HAPLN1: variants seen among roughly 807,000 people sequenced by gnomAD.
HAPLN1 encodes Cartilage link protein.
Under a neutral mutation model 36.5 loss-of-function variants are expected in HAPLN1, and 13 were observed. That is an observed-to-expected ratio of 0.36 (90% CI 0.23 to 0.57). The LOEUF (loss-of-function observed/expected upper bound fraction) is 0.57. HAPLN1 is among the 20% of genes least tolerant of loss of function. HAPLN1 has a pLI of 0.83. For synonymous variants in HAPLN1, 202 were observed against 169.8 expected, an observed-to-expected ratio of 1.19 and a Z score of -1.48; for missense variants, 407 against 439.7, an observed-to-expected ratio of 0.93 and a Z score of 0.66.
rs56005008 is a variant in HAPLN1 at position 83,661,435 on chromosome 5, C to CTTTTTTT, written c.101-8618_101-8612dup. ...CAATGGTGGTCTGTGAGAAAAGCTT[C>CTTTTTTT]TTTTTTTTTTTTTTTTTTTTTTTTT... On this transcript the variant is annotated intron_variant, in intron 2 of 4. Transcript: ENST00000274341. Among the ~76,000 whole-genome samples, 73 of 62,974 alleles carry CTTTTTTT rather than the reference C, an allele frequency of 1.2e-3. 9 individuals carry two copies. The highest frequency in any genetic ancestry group is 3.9e-3 in the Admixed American group (16 of 4,138). 41.3% of individuals were successfully genotyped at this position (62,974 alleles called of 152,430 possible).
At chr5:83,671,943 T>C (rs1215282784) in intron 2 of HAPLN1, among the ~76,000 whole-genome samples, 1 of 152,192 alleles carries the variant, frequency 6.6e-6, no homozygotes, top group Non-Finnish European at 1.5e-5. Flanking sequence ...GCACTAAGTT[T>C]CAACAGAGGA....
rs772382638 is a variant in HAPLN1 at position 83,689,321 on chromosome 5, G to A, written c.-26-15772C>T. On this transcript the variant is annotated intron_variant, in intron 1 of 4. Coordinates refer to ENST00000274341, the MANE Select transcript of HAPLN1 (RefSeq NM_001884.4). ...CCAAACTGCTACATACACATAGCTCGTGTATTAATGAAAATCAGAGTTATG... is the reference window on the plus strand; with the variant it reads ...CCAAACTGCTACATACACATAGCTCATGTATTAATGAAAATCAGAGTTATG... 3.7e-4 allele frequency among the ~76,000 whole-genome samples: 57 copies of A among 152,058 alleles called. 1 individual carries two copies. The highest frequency in any genetic ancestry group is 1.3e-4 in the Non-Finnish European group (9 of 68,022).
rs571727408 is a variant in HAPLN1 at position 83,648,596 on chromosome 5, G to A, written c.472+3857C>T. Among the ~76,000 whole-genome samples the A allele has an allele frequency of 1.5e-4, 22 of 151,302 alleles. No homozygotes were observed. In the South Asian group the frequency reaches 4.6e-3, roughly 32 times the overall value. ...TTAGTAAAATTCTTTAGTGTAAATAGCATTTAAGCTGGTATTAAAGGACCA... is the reference window on the plus strand; with the variant it reads ...TTAGTAAAATTCTTTAGTGTAAATAACATTTAAGCTGGTATTAAAGGACCA... On this transcript the variant is annotated intron_variant, in intron 3 of 4. Transcript: ENST00000274341.
At chr5:83,716,581 A>G (rs994191959) in intron 1 of HAPLN1, among the ~76,000 whole-genome samples, 40 of 152,190 alleles carry the variant, frequency 2.6e-4, no homozygotes, top group African/African-American at 9.7e-4. Flanking sequence ...CCATGTCTCT[A>G]TCAGTGGGAG....
intron 1 of HAPLN1, among the ~76,000 whole-genome samples, chr5:83,714,399 A>G (rs997135764): frequency 2.0e-5 from 3 of 152,238 alleles, no homozygotes; most frequent in Non-Finnish European, 1.5e-5. Context: ...ATACTTAATA[A>G]AATATGGCTA....
At chr5:83,689,258 G>A (rs1225423237) in intron 1 of HAPLN1, among the ~76,000 whole-genome samples, 2 of 152,052 alleles carry the variant, frequency 1.3e-5, no homozygotes, top group African/African-American at 4.8e-5. Flanking sequence ...GACCAAAGTT[G>A]AATATGCTGA....
At chr5:83,654,328 A>C (rs1327326409) in intron 2 of HAPLN1, among the ~76,000 whole-genome samples, 1 of 152,244 alleles carries the variant, frequency 6.6e-6, no homozygotes, top group Admixed American at 6.5e-5. Flanking sequence ...GTTAAGAGGA[A>C]TCACAAATCC....
intron 2 of HAPLN1, among the ~76,000 whole-genome samples, chr5:83,661,208 A>ATATCTATATCTATATC (rs756067086): frequency 7.2e-5 from 11 of 151,892 alleles, no homozygotes; most frequent in Non-Finnish European, 1.0e-4. Flanking sequence ...ATCTATATCT[A>ATATCTATATCTATATC]TATCTATATC....
At position 83,654,330 on chromosome 5, in the gene HAPLN1, C is replaced by G. The variant is rs563413100; in HGVS notation, c.101-1506G>C. ...CATTTATTACTTAGTTAAGAGGAATCACAAATCCAGCTCATTAAGCATTTC... is the reference window on the plus strand; with the variant it reads ...CATTTATTACTTAGTTAAGAGGAATGACAAATCCAGCTCATTAAGCATTTC... On this transcript the variant is annotated intron_variant, in intron 2 of 4. Transcript: ENST00000274341. Among the ~76,000 whole-genome samples, 3 of 152,278 alleles carry G rather than the reference C, an allele frequency of 2.0e-5. No homozygotes were observed. In the South Asian group the frequency reaches 6.2e-4, roughly 32 times the overall value.
intron 2 of HAPLN1, among the ~76,000 whole-genome samples, chr5:83,660,778 A>G (rs1750363672): frequency 6.6e-6 from 1 of 152,138 alleles, no homozygotes; most frequent in Admixed American, 6.5e-5. Flanking sequence ...TATCTCTTAC[A>G]TTGTGTCACT....
At chr5:83,712,361 A>G (rs1040107320) in intron 1 of HAPLN1, among the ~76,000 whole-genome samples, 1 of 152,108 alleles carries the variant, frequency 6.6e-6, no homozygotes, top group African/African-American at 2.4e-5. Flanking sequence ...TTGAAAATGG[A>G]GCACATAAAA....
At chr5:83,656,081 A>C (rs1430809073) in intron 2 of HAPLN1, among the ~76,000 whole-genome samples, 1 of 152,164 alleles carries the variant, frequency 6.6e-6, no homozygotes, top group Non-Finnish European at 1.5e-5. Flanking sequence ...TAATCCCAGC[A>C]CTTTGGGAGG....
intron 1 of HAPLN1, among the ~76,000 whole-genome samples, chr5:83,681,908 G>A (rs141961523): frequency 7.0e-4 from 107 of 152,208 alleles, no homozygotes; most frequent in African/African-American, 2.5e-3. Flanking sequence ...GTGCTCATAT[G>A]CACACAACTA....
chr5:83,663,770 A>G (rs1034031715), intron 2 of HAPLN1, among the ~76,000 whole-genome samples: 4 of 136,022 alleles, frequency 2.9e-5, no homozygotes, highest in Non-Finnish European at 4.7e-5. Context: ...CATCCAATCT[A>G]TCAGTAATTG....
intron 3 of HAPLN1, among the ~76,000 whole-genome samples, chr5:83,646,582 A>G (rs1749884114): frequency 6.6e-6 from 1 of 152,252 alleles, no homozygotes; most frequent in African/African-American, 2.4e-5. Flanking sequence ...CAGAGACCCA[A>G]GAAGGCTTCC....
At chr5:83,703,186 T>C (rs767119052) in intron 1 of HAPLN1, among the ~76,000 whole-genome samples, 4 of 152,218 alleles carry the variant, frequency 2.6e-5, no homozygotes, top group Non-Finnish European at 5.9e-5. Context: ...TGCCTATTTC[T>C]ATATCTCACA....
intron 3 of HAPLN1, among the ~76,000 whole-genome samples, chr5:83,648,203 C>T (rs1318400868): frequency 6.6e-6 from 1 of 151,494 alleles, no homozygotes; most frequent in Non-Finnish European, 1.5e-5. Flanking sequence ...TCTGCCCTCT[C>T]CAAGATTCTG....
chr5:83,650,954 C>A (rs533002778), intron 3 of HAPLN1, among the ~76,000 whole-genome samples: 2 of 151,932 alleles, frequency 1.3e-5, no homozygotes, highest in Non-Finnish European at 1.5e-5. Context: ...CCCTATAATG[C>A]GTTATACTGT....
chr5:83,660,917 T>G (rs1423529609), intron 2 of HAPLN1, among the ~76,000 whole-genome samples: 6 of 152,112 alleles, frequency 3.9e-5, no homozygotes. Context: ...CTATAGTGAG[T>G]GCCCAGCTGG....
Sources: allele counts gnomAD v4.1 joint callset (sites outside exome capture counted in the v4.1 genomes callset), GRCh38; gene constraint gnomAD v4.1.1; transcripts MANE v1.5; gene names NCBI Gene and HGNC (gene_info 2026-07-23, HGNC 2026-07-21).